The following PDE10A variants were observed in gnomAD, a reference collection of about 807,000 sequenced individuals.
The protein encoded by PDE10A is cAMP and cAMP-inhibited cGMP 3',5'-cyclic phosphodiesterase 10A.
A neutral mutation model predicts 97.7 loss-of-function variants in PDE10A; 39 were observed. The observed-to-expected ratio is 0.40, with a 90% CI of 0.31 to 0.52. The LOEUF (loss-of-function observed/expected upper bound fraction) is 0.52. PDE10A is among the 20% of genes least tolerant of loss of function. The pLI is 0.56. For synonymous variants in PDE10A, 371 were observed against 376.8 expected (o/e 0.98, Z 0.18); for missense variants, 731 against 1,047.8 (o/e 0.70, Z 4.17).
At chr6:165,843,156 C>T (rs776568940) in intron 1 of PDE10A, among the ~76,000 whole-genome samples, 3 of 152,202 alleles carry the variant, frequency 2.0e-5, no homozygotes, top group Non-Finnish European at 4.4e-5. Flanking sequence ...AAGACCAGGT[C>T]CCAGGTCCCG....
At chr6:165,358,302 C>T (rs894171014) in intron 18 of PDE10A, among the ~76,000 whole-genome samples, 1 of 151,556 alleles carries the variant, frequency 6.6e-6, no homozygotes, top group Non-Finnish European at 1.5e-5. Flanking sequence ...ATATAAAACT[C>T]TCCAACTAGG....
chr6:165,938,094 T>C (rs914998172), intron 1 of PDE10A, among the ~76,000 whole-genome samples: 2 of 152,214 alleles, frequency 1.3e-5, no homozygotes, highest in Non-Finnish European at 2.9e-5. Flanking sequence ...ATATATTGCA[T>C]TTTACTCTCC....
At chr6:165,556,859 G>T (rs1256005734) in intron 1 of PDE10A, among the ~76,000 whole-genome samples, 1 of 152,130 alleles carries the variant, frequency 6.6e-6, no homozygotes, top group Non-Finnish European at 1.5e-5. Flanking sequence ...AAAATTCTGA[G>T]CCGGGTGCAG....
chr6:165,401,599 A>G (rs1291210223), intron 13 of PDE10A, among the ~76,000 whole-genome samples: 1 of 152,212 alleles, frequency 6.6e-6, no homozygotes, highest in Non-Finnish European at 1.5e-5. Flanking sequence ...AATCATCTTC[A>G]TAACCGTGAT....
intron 1 of PDE10A, among the ~76,000 whole-genome samples, chr6:165,641,142 T>G (rs1167829193): frequency 6.6e-6 from 1 of 152,128 alleles, no homozygotes; most frequent in Non-Finnish European, 1.5e-5. Flanking sequence ...CCAGGCTTTC[T>G]GAGCAGACAC....
chr6:165,861,581 C>T (rs978514583), intron 1 of PDE10A, among the ~76,000 whole-genome samples: 17 of 151,624 alleles, frequency 1.1e-4, no homozygotes, highest in Middle Eastern at 3.2e-3. Flanking sequence ...CTGAAGGCTC[C>T]GAGCAAGCAG....
At chr6:165,801,145 T>C (rs1450218177) in intron 1 of PDE10A, among the ~76,000 whole-genome samples, 3 of 152,244 alleles carry the variant, frequency 2.0e-5, no homozygotes, top group Non-Finnish European at 4.4e-5. Context: ...TCCATGTCAG[T>C]GTCCATAATA....
intron 17 of PDE10A, among the ~76,000 whole-genome samples, chr6:165,383,175 G>A (rs1207520920): frequency 6.6e-6 from 1 of 152,066 alleles, no homozygotes; most frequent in African/African-American, 2.4e-5. Context: ...TTAAGAAAAT[G>A]TTCTCAATAA....
At chr6:165,832,555 T>C (rs1779951668) in intron 1 of PDE10A, among the ~76,000 whole-genome samples, 1 of 152,238 alleles carries the variant, frequency 6.6e-6, no homozygotes, top group South Asian at 2.1e-4. Flanking sequence ...CTCTGGCTTC[T>C]CAGCCAACCC....
chr6:165,686,745 C>T (rs1321787616), intron 1 of PDE10A, among the ~76,000 whole-genome samples: 2 of 152,156 alleles, frequency 1.3e-5, no homozygotes, highest in Non-Finnish European at 2.9e-5. Context: ...TGGTTGAGAG[C>T]AGAAACACGA....
intron 1 of PDE10A, among the ~76,000 whole-genome samples, chr6:165,892,554 C>T (rs1781833474): frequency 1.3e-5 from 2 of 152,210 alleles, no homozygotes; most frequent in Non-Finnish European, 2.9e-5. Flanking sequence ...CTCCCCAAGG[C>T]ATGGGTGCAT....
Position 165,819,810 on chromosome 6 carries a change from T to A in PDE10A, c.-615+167719A>T, listed in dbSNP as rs1203689495. ...GCCACACAGTGGGTCTCAAGAAAGC[T>A]TTCCTTAAATGAATACATGAATGAA... On this transcript the variant is annotated intron_variant, in intron 1 of 19. Transcript: ENST00000366882. This position sits in a 1 kb window ranked among gnomAD's most constrained non-coding sequence, Gnocchi z 4.2. Among the ~76,000 whole-genome samples the A allele has an allele frequency of 6.6e-6, 1 of 152,226 alleles. No homozygotes were observed. Among genetic ancestry groups the A allele is most frequent in the Non-Finnish European group, 1.5e-5 (1 of 68,042 alleles).
At chr6:165,626,678 A>G (rs1365442548) in intron 1 of PDE10A, among the ~76,000 whole-genome samples, 1 of 151,830 alleles carries the variant, frequency 6.6e-6, no homozygotes, top group African/African-American at 2.4e-5. Context: ...AGAAGGTAAA[A>G]GGCACTTTGC....
chr6:165,937,603 TAC>T (rs1335491640), intron 1 of PDE10A, among the ~76,000 whole-genome samples: 7 of 152,166 alleles, frequency 4.6e-5, no homozygotes, highest in Admixed American at 4.6e-4. Flanking sequence ...GGCTAGAGAG[TAC>T]TTGGCACATA....
rs952762903 is a variant in PDE10A, at chr6:165,328,426, C to T, written c.*4599G>A. The T allele has an allele frequency of 1.3e-5, 2 of 152,218 alleles. No homozygotes were observed. Among genetic ancestry groups the T allele is most frequent in the African/African-American group, 2.4e-5 (1 of 41,450 alleles). 9.4% of individuals were successfully genotyped at this position (152,218 alleles called of 1,614,324 possible). On this transcript the variant is annotated 3_prime_UTR_variant, in exon 22 of 22. Transcript: ENST00000539869. ...GTACCTCAAAAACATCAGAGGAAAACTGAAATATGTAAACTGACTTCCCTA... is the reference window on the plus strand; with the variant it reads ...GTACCTCAAAAACATCAGAGGAAAATTGAAATATGTAAACTGACTTCCCTA...
At chr6:165,753,317 A>G (rs896374270) in intron 1 of PDE10A, among the ~76,000 whole-genome samples, 1 of 152,080 alleles carries the variant, frequency 6.6e-6, no homozygotes, top group Admixed American at 6.6e-5. Context: ...CAGGCCAAGC[A>G]CTCTTCACAA....
chr6:165,432,341 G>C (rs1162827747), intron 7 of PDE10A, among the ~76,000 whole-genome samples: 2 of 152,174 alleles, frequency 1.3e-5, no homozygotes, highest in African/African-American at 4.8e-5. Context: ...GTGGCTGTGA[G>C]GGGGATAAGT....
chr6:165,424,232 T>G (rs220811), intron 10 of PDE10A, among the ~76,000 whole-genome samples: 14,341 of 152,250 alleles, frequency 0.094, 891 homozygotes, highest in Middle Eastern at 0.22. Flanking sequence ...TTCAGGGCAC[T>G]GTTATGCTCC....
chr6:165,791,966 C>T (rs140815909), intron 1 of PDE10A, among the ~76,000 whole-genome samples: 107 of 152,276 alleles, frequency 7.0e-4, no homozygotes, highest in African/African-American at 2.6e-3. Flanking sequence ...CAGCATCGGC[C>T]GTGAAACCAC....
Sources: allele counts gnomAD v4.1 joint callset (sites outside exome capture counted in the v4.1 genomes callset), GRCh38; gene constraint gnomAD v4.1.1; non-coding constraint Gnocchi (gnomAD v3.1); transcripts MANE v1.5; gene names NCBI Gene and HGNC (gene_info 2026-07-23, HGNC 2026-07-21).